IMMP2L: variants seen among roughly 807,000 people sequenced by gnomAD.
IMMP2L encodes the protein mitochondrial inner membrane protease subunit 2.
A neutral mutation model predicts 19.3 loss-of-function variants in IMMP2L; 18 were observed. The observed-to-expected ratio is 0.93, with a 90% CI of 0.64 to 1.38. The LOEUF (loss-of-function observed/expected upper bound fraction) is 1.38. Among genes scored for constraint, IMMP2L ranks in the 40% most tolerant of loss-of-function variants. IMMP2L has a pLI of 0.00. For missense variants in IMMP2L, 233 were observed against 218.2 expected (o/e 1.07, Z -0.43); for synonymous variants, 76 against 73.0 (o/e 1.04, Z -0.21).
At chr7:110,907,252 G>A (rs1047955381) in intron 4 of IMMP2L, among the ~76,000 whole-genome samples, 30 of 152,238 alleles carry the variant, frequency 2.0e-4, no homozygotes, top group African/African-American at 5.8e-4. Context: ...GAGGTCAGAC[G>A]AATAAACTGA....
chr7:110,892,875 T>A (rs192433691), intron 4 of IMMP2L, among the ~76,000 whole-genome samples: 177 of 152,258 alleles, frequency 1.2e-3, no homozygotes, highest in African/African-American at 4.2e-3. Context: ...TATGAAACAC[T>A]TGAGTTACCC....
At chr7:110,687,691 A>C (rs983521371) in intron 5 of IMMP2L, among the ~76,000 whole-genome samples, 1 of 152,152 alleles carries the variant, frequency 6.6e-6, no homozygotes, top group African/African-American at 2.4e-5. Context: ...TTTTGATGAA[A>C]TAGCCAAAGC....
At chr7:111,555,052 G>C (rs954192247) in intron 1 of IMMP2L, among the ~76,000 whole-genome samples, 1 of 152,078 alleles carries the variant, frequency 6.6e-6, no homozygotes, top group Non-Finnish European at 1.5e-5. Flanking sequence ...TGGAGCACTA[G>C]GCATAAATGC....
chr7:110,720,618 A>T (rs1323960677), intron 5 of IMMP2L, among the ~76,000 whole-genome samples: 1 of 152,156 alleles, frequency 6.6e-6, no homozygotes. Context: ...CATGTAATCT[A>T]GTCTTTGCTC....
chr7:110,828,234 CAAA>C (rs1392438653), intron 5 of IMMP2L, among the ~76,000 whole-genome samples: 1 of 151,688 alleles, frequency 6.6e-6, no homozygotes, highest in Non-Finnish European at 1.5e-5. Flanking sequence ...TGCTGTGTTC[CAAA>C]AAAAACTTTA....
chr7:111,124,536 G>A (rs1274642308), intron 3 of IMMP2L: 1 of 1,613,644 alleles, frequency 6.2e-7, no homozygotes, highest in Non-Finnish European at 8.5e-7. Flanking sequence ...CATCAACTGA[G>A]TATAAAATTT....
chr7:111,556,649 T>C (rs1447654950), intron 1 of IMMP2L, among the ~76,000 whole-genome samples: 3 of 152,164 alleles, frequency 2.0e-5, no homozygotes, highest in Non-Finnish European at 4.4e-5. Flanking sequence ...TCATACTTAA[T>C]GGCCACTCTC....
intron 4 of IMMP2L, among the ~76,000 whole-genome samples, chr7:110,891,993 A>T (rs1043396670): frequency 1.3e-5 from 2 of 152,162 alleles, no homozygotes; most frequent in Admixed American, 1.3e-4. Context: ...ATGAATGAAT[A>T]AATGTGCTGG....
Position 110,758,451 on chromosome 7 carries a change from T to C in IMMP2L, c.409-94730A>G, listed in dbSNP as rs140761692. Among the ~76,000 whole-genome samples, 6 of 152,176 alleles carry C rather than the reference T, an allele frequency of 3.9e-5. No homozygotes were observed. The highest frequency in any genetic ancestry group is 1.4e-4 in the African/African-American group (6 of 41,518). Reference sequence around the variant, plus strand: ...AAAAGATCTTATAGACAGGATAATATTGATGACTCAGGAGAGAGCATAAGA... The same window carrying C: ...AAAAGATCTTATAGACAGGATAATACTGATGACTCAGGAGAGAGCATAAGA... On this transcript the variant is annotated intron_variant, in intron 5 of 5. Coordinates refer to ENST00000405709, the MANE Select transcript of IMMP2L (RefSeq NM_032549.4). This position sits in a 1 kb window ranked among gnomAD's most constrained non-coding sequence, Gnocchi z 4.6.
chr7:110,810,085 C>T (rs553021982), intron 5 of IMMP2L, among the ~76,000 whole-genome samples: 5 of 152,140 alleles, frequency 3.3e-5, no homozygotes, highest in South Asian at 2.1e-4. Context: ...TCTGCCTTGC[C>T]GGCTTCCATC....
chr7:111,429,209 A>C (rs188135162), intron 3 of IMMP2L, among the ~76,000 whole-genome samples: 14 of 152,016 alleles, frequency 9.2e-5, no homozygotes, highest in African/African-American at 2.9e-4. Context: ...GCATGTAGGG[A>C]AATGCATGTT....
At position 111,556,018 on chromosome 7, in the gene IMMP2L, G is replaced by GTGTGTATATATA. The variant is rs777862357; in HGVS notation, c.-3+5832_-3+5833insTATATATACACA. 1.0e-3 allele frequency among the ~76,000 whole-genome samples: 93 copies of GTGTGTATATATA among 91,306 alleles called. 6 individuals carry two copies. Among genetic ancestry groups the GTGTGTATATATA allele is most frequent in the Middle Eastern group, 5.3e-3 (1 of 190 alleles). The allele number at this position is 91,306 out of a possible 152,430, so 59.9% of individuals were successfully genotyped here. A position where few individuals can be genotyped will look rare whatever the true frequency, so the allele number is the denominator to read the frequency against. On this transcript the variant is annotated intron_variant, in intron 1 of 5. Coordinates refer to ENST00000405709, the MANE Select transcript of IMMP2L (RefSeq NM_032549.4). ...TTAGCCATCCCTCTTCTGTGTGCATGTATATATATATATATATACATACCC... is the reference window on the plus strand; with the variant it reads ...TTAGCCATCCCTCTTCTGTGTGCATGTGTGTATATATATATATATATATATATATACATACCC...
At chr7:111,398,867 C>T (rs1464833305) in intron 3 of IMMP2L, among the ~76,000 whole-genome samples, 4 of 149,706 alleles carry the variant, frequency 2.7e-5, no homozygotes, top group African/African-American at 9.9e-5. Flanking sequence ...AACTCAACCC[C>T]TTTTACAATA....
At chr7:110,876,325 G>T (rs564502663) in intron 5 of IMMP2L, among the ~76,000 whole-genome samples, 9 of 152,180 alleles carry the variant, frequency 5.9e-5, no homozygotes, top group Middle Eastern at 3.4e-3. Flanking sequence ...TGAAATGAGT[G>T]GGGGGTTAGT....
At chr7:111,424,153 A>T (rs1263191366) in intron 3 of IMMP2L, among the ~76,000 whole-genome samples, 1 of 151,914 alleles carries the variant, frequency 6.6e-6, no homozygotes, top group Non-Finnish European at 1.5e-5. Context: ...GATTCGTTAG[A>T]GGTTAATGTT....
chr7:110,960,996 A>C (rs1356795739), intron 4 of IMMP2L, among the ~76,000 whole-genome samples: 1 of 151,914 alleles, frequency 6.6e-6, no homozygotes, highest in Non-Finnish European at 1.5e-5. Flanking sequence ...TCTACTTCTC[A>C]CCCACTAGGA....
At chr7:111,070,219 T>C (rs1249474627) in intron 3 of IMMP2L, among the ~76,000 whole-genome samples, 1 of 152,094 alleles carries the variant, frequency 6.6e-6, no homozygotes. Flanking sequence ...TTGGAAAAAA[T>C]ACTGAGCACC....
chr7:111,147,224 G>T (rs1803573896), intron 3 of IMMP2L, among the ~76,000 whole-genome samples: 1 of 152,044 alleles, frequency 6.6e-6, no homozygotes. Context: ...TGCCGTTGTT[G>T]TTGCTGTTGT....
In IMMP2L at chr7:110,862,018, A is replaced by G. The variant is rs557593922; in HGVS notation, c.408+24575T>C. ...ATAAAATATATATTTTAAGTGACTA[A>G]TATGTACAACATTAATTTGTATATT... is the stretch of plus-strand genomic sequence containing the variant. On this transcript the variant is annotated intron_variant, in intron 5 of 5. Transcript: ENST00000405709. Among the ~76,000 whole-genome samples the G allele has an allele frequency of 2.1e-3, 314 of 152,182 alleles. 2 individuals carry two copies. Among genetic ancestry groups the G allele is most frequent in the African/African-American group, 7.0e-3 (290 of 41,576 alleles).
Sources: gnomAD v4.1 joint callset for allele counts (sites outside exome capture counted in the v4.1 genomes callset) on GRCh38, gnomAD v4.1.1 for gene constraint, Gnocchi (gnomAD v3.1) non-coding constraint, MANE v1.5 for transcripts, NCBI Gene and HGNC (gene_info 2026-07-23, HGNC 2026-07-21) for gene names.